PAPPA2: variants seen among roughly 807,000 people sequenced by gnomAD.
The protein encoded by PAPPA2 is pappalysin-2.
PAPPA2 carries 86 observed loss-of-function variants against 176.4 expected under a neutral mutation model. That is an observed-to-expected ratio of 0.49 (90% CI 0.41 to 0.58). PAPPA2 has a LOEUF of 0.58. PAPPA2 is among the 20% of genes least tolerant of loss of function. The pLI is 0.00. For missense variants in PAPPA2, 2,073 were observed against 2,256.9 expected (o/e 0.92, Z 1.65); for synonymous variants, 809 against 852.2 (o/e 0.95, Z 0.88).
rs1034890001 is a variant in PAPPA2, at chr1:176,829,299, A to C, written c.5203-10874A>C. On this transcript the variant is annotated intron_variant, in intron 21 of 22. Transcript: ENST00000367662. ...ATGAGAGAGAATGGGGAAAAAAAAA[A>C]AGATGCTCAGCAAACAGCAGGAGGG... 2.0e-5 allele frequency among the ~76,000 whole-genome samples: 3 copies of C among 151,782 alleles called. 1 individual carries two copies. Among genetic ancestry groups the C allele is most frequent in the African/African-American group, 7.3e-5 (3 of 41,182 alleles).
intron 14 of PAPPA2, among the ~76,000 whole-genome samples, chr1:176,757,006 C>T (rs186948887): frequency 1.2e-3 from 184 of 152,302 alleles, no homozygotes; most frequent in African/African-American, 4.3e-3. Flanking sequence ...TGGTTTCCAG[C>T]TTCATCCATG....
chr1:176,728,693 A>G (rs1041732102), intron 12 of PAPPA2, among the ~76,000 whole-genome samples: 2 of 151,960 alleles, frequency 1.3e-5, no homozygotes, highest in African/African-American at 4.8e-5. Context: ...TCTGAAAAAG[A>G]TGAGTAATGG....
intron 3 of PAPPA2, among the ~76,000 whole-genome samples, chr1:176,626,272 G>C (rs983920782): frequency 6.6e-6 from 1 of 152,002 alleles, no homozygotes; most frequent in Non-Finnish European, 1.5e-5. Flanking sequence ...ATTTATGCAT[G>C]TGTTCCTAAA....
intron 3 of PAPPA2, among the ~76,000 whole-genome samples, chr1:176,635,549 T>C (rs1403802696): frequency 1.3e-5 from 2 of 152,174 alleles, no homozygotes; most frequent in Non-Finnish European, 2.9e-5. Context: ...TGAGAAATTG[T>C]GGGCAATAGT....
intron 2 of PAPPA2, among the ~76,000 whole-genome samples, chr1:176,568,876 G>A (rs1652144242): frequency 6.6e-6 from 1 of 152,162 alleles, no homozygotes; most frequent in African/African-American, 2.4e-5. Flanking sequence ...TTGCAACCAA[G>A]AGGAGCATTT....
chr1:176,463,270 C>T lies in PAPPA2; in HGVS notation c.-1065C>T, dbSNP rs1651461159. ...TCTGCACTTTCAGTATTTTCCAACT[C>T]ATCCTTAAATTCCTTCTCACAACAG... On this transcript the variant is annotated 5_prime_UTR_variant, in exon 1 of 23. Coordinates refer to ENST00000367662, the MANE Select transcript of PAPPA2 (RefSeq NM_020318.3). The T allele has an allele frequency of 1.3e-5, 2 of 152,236 alleles. No homozygotes were observed. The highest frequency in any genetic ancestry group is 1.5e-5 in the Non-Finnish European group (1 of 68,058). The allele number at this position is 152,236 out of a possible 1,614,324, so 9.4% of individuals were successfully genotyped here.
chr1:176,831,322 C>A (rs192089393), intron 21 of PAPPA2, among the ~76,000 whole-genome samples: 6 of 152,240 alleles, frequency 3.9e-5, no homozygotes, highest in Admixed American at 2.0e-4. Flanking sequence ...GACACATTCC[C>A]GTCAGGAATG....
At chr1:176,603,337 A>G (rs1042291634) in intron 3 of PAPPA2, among the ~76,000 whole-genome samples, 2 of 152,176 alleles carry the variant, frequency 1.3e-5, no homozygotes, top group African/African-American at 4.8e-5. Flanking sequence ...CTGGTTTGTA[A>G]TTACTTCAGT....
chr1:176,650,590 G>A (rs1657662905), intron 3 of PAPPA2, among the ~76,000 whole-genome samples: 1 of 151,420 alleles, frequency 6.6e-6, no homozygotes, highest in African/African-American at 2.4e-5. Context: ...CCCAGTGTGT[G>A]ATGTTCCCCA....
At chr1:176,526,449 C>T (rs1649505487) in intron 1 of PAPPA2, among the ~76,000 whole-genome samples, 1 of 152,168 alleles carries the variant, frequency 6.6e-6, no homozygotes, top group Non-Finnish European at 1.5e-5. Flanking sequence ...GGCTTGTTCT[C>T]TTTTGCCATC....
At position 176,707,833 on chromosome 1, in the gene PAPPA2, A is replaced by G. The variant is rs540034588; in HGVS notation, c.3457+1383A>G. Reference sequence around the variant, plus strand: ...TTTCTGTTTTATTTGACTACCATTCAGATATTTGAAATACCTCTCCATTAT... The same window carrying G: ...TTTCTGTTTTATTTGACTACCATTCGGATATTTGAAATACCTCTCCATTAT... On this transcript the variant is annotated intron_variant, in intron 10 of 22. Coordinates refer to ENST00000367662, the MANE Select transcript of PAPPA2 (RefSeq NM_020318.3). Among the ~76,000 whole-genome samples the G allele has an allele frequency of 6.2e-4, 95 of 152,236 alleles. No individual in the cohort carries two copies. The Middle Eastern group carries it at 0.01, about 16-fold the overall frequency.
chr1:176,510,687 A>T (rs768473268), intron 1 of PAPPA2, among the ~76,000 whole-genome samples: 8 of 152,008 alleles, frequency 5.3e-5, no homozygotes, highest in Non-Finnish European at 1.2e-4. Context: ...TACAGATAAA[A>T]ATATATAATA....
chr1:176,644,047 G>A (rs1657249692), intron 3 of PAPPA2, among the ~76,000 whole-genome samples: 1 of 151,756 alleles, frequency 6.6e-6, no homozygotes, highest in Admixed American at 6.6e-5. Context: ...AAATGGATAA[G>A]GTTGCTCTGG....
At chr1:176,475,190 G>A (rs888008973) in intron 1 of PAPPA2, among the ~76,000 whole-genome samples, 11 of 152,156 alleles carry the variant, frequency 7.2e-5, no homozygotes, top group Non-Finnish European at 1.5e-5. Context: ...TCTAAAACAA[G>A]TGCAATAGGT....
At chr1:176,649,892 C>G (rs1336980594) in intron 3 of PAPPA2, among the ~76,000 whole-genome samples, 1 of 151,552 alleles carries the variant, frequency 6.6e-6, no homozygotes, top group African/African-American at 2.4e-5. Flanking sequence ...GTAAAATGAT[C>G]TGTAAATGTC....
rs549734366 is a variant in PAPPA2, at chr1:176,635,159, G to T, written c.1992-35811G>T. On this transcript the variant is annotated intron_variant, in intron 3 of 22. Transcript: ENST00000367662. Reference sequence around the variant, plus strand: ...TGACTGCTATAGGCAGAAGTTTTCAGGTTTTTTTCACCCTGACATCCAGTT... The same window carrying T: ...TGACTGCTATAGGCAGAAGTTTTCATGTTTTTTTCACCCTGACATCCAGTT... Among the ~76,000 whole-genome samples, 43 of 152,262 alleles carry T rather than the reference G, an allele frequency of 2.8e-4. No individual in the cohort carries two copies. In the South Asian group the frequency reaches 5.4e-3, roughly 19 times the overall value.
At chr1:176,674,868 A>G (rs1453101701) in intron 4 of PAPPA2, among the ~76,000 whole-genome samples, 2 of 151,496 alleles carry the variant, frequency 1.3e-5, no homozygotes. Flanking sequence ...TTTTCATAGT[A>G]GTTGTGCTAG....
At chr1:176,683,808 A>G (rs1289702016) in intron 4 of PAPPA2, among the ~76,000 whole-genome samples, 1 of 152,140 alleles carries the variant, frequency 6.6e-6, no homozygotes, top group Non-Finnish European at 1.5e-5. Flanking sequence ...ATCTATTACC[A>G]TAATGAGGCA....
intron 6 of PAPPA2, among the ~76,000 whole-genome samples, chr1:176,694,188 A>G (rs905516444): frequency 6.6e-6 from 1 of 152,194 alleles, no homozygotes; most frequent in Non-Finnish European, 1.5e-5. Flanking sequence ...AGCAGCAGCC[A>G]CGGAAGGGCC....
Sources: gnomAD v4.1 joint callset for allele counts (sites outside exome capture counted in the v4.1 genomes callset) on GRCh38, gnomAD v4.1.1 for gene constraint, MANE v1.5 for transcripts, NCBI Gene and HGNC (gene_info 2026-07-23, HGNC 2026-07-21) for gene names.